CPA6: variants seen among roughly 807,000 people sequenced by gnomAD.
The protein encoded by CPA6 is carboxypeptidase A6.
CPA6 carries 58 observed loss-of-function variants against 63.3 expected under a neutral mutation model. That is an observed-to-expected ratio of 0.92 (90% confidence interval 0.74 to 1.14). The LOEUF is 1.14. CPA6 is among the 50% of genes most tolerant of loss of function. The pLI is 0.00. For synonymous variants in CPA6, 185 were observed against 179.0 expected (o/e 1.03, Z -0.27); for missense variants, 565 against 526.6 (o/e 1.07, Z -0.71).
At chr8:67,437,022 G>A (rs1810175466) in intron 8 of CPA6, among the ~76,000 whole-genome samples, 1 of 152,168 alleles carries the variant, frequency 6.6e-6, no homozygotes, top group African/African-American at 2.4e-5. Flanking sequence ...ACAGCAATTG[G>A]GGTTTCCCTT....
chr8:67,681,792 A>G (rs1816604194), intron 1 of CPA6, among the ~76,000 whole-genome samples: 1 of 152,120 alleles, frequency 6.6e-6, no homozygotes, highest in South Asian at 2.1e-4. Context: ...CACCATCTTC[A>G]TTACTACAAC....
chr8:67,502,558 A>C (rs1457584810), intron 6 of CPA6, among the ~76,000 whole-genome samples: 1 of 151,924 alleles, frequency 6.6e-6, no homozygotes. Flanking sequence ...TTTCTAGGTC[A>C]TTGAAGGAAG....
intron 2 of CPA6, among the ~76,000 whole-genome samples, chr8:67,556,873 A>G (rs1300300114): frequency 6.6e-6 from 1 of 152,196 alleles, no homozygotes; most frequent in Non-Finnish European, 1.5e-5. Context: ...GGCCCTTGAG[A>G]TTAGCACCTG....
At chr8:67,512,024 T>C (rs568322864) in intron 3 of CPA6, among the ~76,000 whole-genome samples, 1 of 152,280 alleles carries the variant, frequency 6.6e-6, no homozygotes, top group Non-Finnish European at 1.5e-5. Context: ...TCTTAGCTAA[T>C]AGCCCTATAG....
intron 2 of CPA6, among the ~76,000 whole-genome samples, chr8:67,590,845 C>T (rs981187401): frequency 6.6e-6 from 1 of 151,642 alleles, no homozygotes; most frequent in African/African-American, 2.4e-5. Context: ...TGCCTGTTCA[C>T]TCTGATGGTA....
intron 2 of CPA6, among the ~76,000 whole-genome samples, chr8:67,605,531 CTTTTTT>C (rs68153641): frequency 8.0e-6 from 1 of 125,268 alleles, no homozygotes. Context: ...TATTGTATTG[CTTTTTT>C]TTTTTTTTTT....
At chr8:67,506,602 T>G (rs1811930800) in intron 6 of CPA6, among the ~76,000 whole-genome samples, 185 bp downstream of exon 6, 2 of 152,082 alleles carry the variant, frequency 1.3e-5, no homozygotes, top group Admixed American at 6.6e-5. Context: ...AGGGCACAGG[T>G]GAGGATAAGC....
intron 8 of CPA6, among the ~76,000 whole-genome samples, chr8:67,458,386 T>C (rs6472304): frequency 0.3 from 45,185 of 151,890 alleles, 11,216 homozygotes; most frequent in African/African-American, 0.68. Flanking sequence ...TTAGTAGAGA[T>C]GGGGTTTCAC....
chr8:67,475,395 T>C (rs1268587429), intron 8 of CPA6, among the ~76,000 whole-genome samples: 1 of 152,226 alleles, frequency 6.6e-6, no homozygotes, highest in Non-Finnish European at 1.5e-5. Context: ...TGGCACATAC[T>C]GTGATAAAAG....
At chr8:67,595,744 G>C (rs181215658) in intron 2 of CPA6, among the ~76,000 whole-genome samples, 1 of 152,336 alleles carries the variant, frequency 6.6e-6, no homozygotes, top group East Asian at 1.9e-4. Flanking sequence ...GAAAAGTGCA[G>C]TATTCGGGTG....
At chr8:67,642,103 C>A (rs893362844) in intron 1 of CPA6, among the ~76,000 whole-genome samples, 1 of 152,122 alleles carries the variant, frequency 6.6e-6, no homozygotes, top group African/African-American at 2.4e-5. Context: ...GGGCAGATCA[C>A]CTGAGGTCAG....
At chr8:67,649,941 C>T (rs745305660) in intron 1 of CPA6, among the ~76,000 whole-genome samples, 17 of 152,248 alleles carry the variant, frequency 1.1e-4, no homozygotes, top group East Asian at 1.9e-4. Context: ...TGAAGGGAAA[C>T]GAGGACAAAG....
chr8:67,529,794 G>C (rs767342142), intron 2 of CPA6, among the ~76,000 whole-genome samples: 1 of 152,068 alleles, frequency 6.6e-6, no homozygotes, highest in Non-Finnish European at 1.5e-5. Context: ...CACGGGGGTG[G>C]CCCAATGATC....
rs145996041 is a variant in CPA6 at position 67,507,999 on chromosome 8, TTGTGTGTG to T, written c.535-1119_535-1112del. ...TTCCTCCTGTATTCTATGGGGTGCTTTGTGTGTGTGTGTGTGTGTGTGTGTGTGTGTGT... is the reference window on the plus strand; with the variant it reads ...TTCCTCCTGTATTCTATGGGGTGCTTTGTGTGTGTGTGTGTGTGTGTGTGT... On this transcript the variant is annotated intron_variant, in intron 5 of 10. Coordinates refer to ENST00000297770, the MANE Select transcript of CPA6 (RefSeq NM_020361.5). Among the ~76,000 whole-genome samples the T allele has an allele frequency of 3.2e-3, 454 of 142,394 alleles. 2 individuals are homozygous for T. Among genetic ancestry groups the T allele is most frequent in the African/African-American group, 0.01 (393 of 39,224 alleles). The allele number at this position is 142,394 out of a possible 152,430, so 93.4% of individuals were successfully genotyped here. A position where few individuals can be genotyped will look rare whatever the true frequency, so the allele number is the denominator to read the frequency against.
At chr8:67,513,967 T>A (rs1373405094) in intron 3 of CPA6, among the ~76,000 whole-genome samples, 1 of 141,632 alleles carries the variant, frequency 7.1e-6, no homozygotes, top group Admixed American at 6.9e-5. Context: ...CATAGAAAAT[T>A]TTTTTTTTTT....
At chr8:67,491,604 C>G (rs541632652) in intron 6 of CPA6, among the ~76,000 whole-genome samples, 1 of 152,156 alleles carries the variant, frequency 6.6e-6, no homozygotes, top group African/African-American at 2.4e-5. Context: ...TTTCACATTT[C>G]ACACAGAGAT....
At chr8:67,658,957 C>T (rs981346996) in intron 1 of CPA6, among the ~76,000 whole-genome samples, 19 of 152,108 alleles carry the variant, frequency 1.2e-4, no homozygotes, top group African/African-American at 4.3e-4. Context: ...TATCATCTTG[C>T]CCCTTTCAAT....
chr8:67,492,710 G>A (rs759104799), intron 6 of CPA6, among the ~76,000 whole-genome samples: 14 of 152,122 alleles, frequency 9.2e-5, no homozygotes, highest in Non-Finnish European at 2.1e-4. Flanking sequence ...CACTTTTATA[G>A]TCTGGTGCTA....
intron 8 of CPA6, among the ~76,000 whole-genome samples, chr8:67,453,217 A>G (rs1445872787): frequency 6.6e-6 from 1 of 152,158 alleles, no homozygotes; most frequent in Non-Finnish European, 1.5e-5. Flanking sequence ...CTGGGATGGT[A>G]GTAACAGAAG....
Sources: allele counts gnomAD v4.1 joint callset (sites outside exome capture counted in the v4.1 genomes callset), GRCh38; gene constraint gnomAD v4.1.1; transcripts MANE v1.5; gene names NCBI Gene and HGNC (gene_info 2026-07-23, HGNC 2026-07-21).